Variants in PLCB1 observed in about 807,000 individuals in gnomAD.
PLCB1 encodes the protein phospholipase C beta 1.
PLCB1 carries 46 observed loss-of-function variants against 161.8 expected under a neutral mutation model. That is an observed-to-expected ratio of 0.28 (90% confidence interval 0.22 to 0.36). The LOEUF is 0.36. Ranked by LOEUF, PLCB1 falls within the 10% of genes least tolerant of loss-of-function variation. The pLI is 1.00. For synonymous variants in PLCB1, 517 were observed against 503.7 expected (o/e 1.03, Z -0.35); for missense variants, 1,016 against 1,472.5 (o/e 0.69, Z 5.07).
chr20:8,639,583 G>C (rs1011541529), intron 4 of PLCB1, among the ~76,000 whole-genome samples: 13 of 152,340 alleles, frequency 8.5e-5, no homozygotes, highest in Admixed American at 7.2e-4. Context: ...GCAGGCATCT[G>C]CTTACATGTG....
chr20:8,592,522 C>T (rs1010524452), intron 3 of PLCB1, among the ~76,000 whole-genome samples: 4 of 152,106 alleles, frequency 2.6e-5, no homozygotes, highest in African/African-American at 9.7e-5. Flanking sequence ...TTGTTCTGGG[C>T]AATGCTTACA....
intron 2 of PLCB1, among the ~76,000 whole-genome samples, chr20:8,263,476 T>C (rs1457440755): frequency 6.6e-6 from 1 of 152,196 alleles, no homozygotes; most frequent in Admixed American, 6.5e-5. Context: ...GCCTTCACTA[T>C]GTAACATAAA....
intron 20 of PLCB1, among the ~76,000 whole-genome samples, chr20:8,738,996 A>C (rs1351960729): frequency 6.6e-6 from 1 of 152,168 alleles, no homozygotes; most frequent in East Asian, 1.9e-4. Flanking sequence ...CTAAAAAAGT[A>C]CAAAAATTAG....
chr20:8,772,046 A>ATTTTT (rs57175112), intron 26 of PLCB1, among the ~76,000 whole-genome samples: 13 of 121,888 alleles, frequency 1.1e-4, no homozygotes, highest in African/African-American at 4.1e-4. Flanking sequence ...GGCCCGGTTA[A>ATTTTT]TTTTTTTTTT....
At chr20:8,330,622 G>A (rs994514732) in intron 2 of PLCB1, among the ~76,000 whole-genome samples, 2 of 152,228 alleles carry the variant, frequency 1.3e-5, no homozygotes, top group African/African-American at 4.8e-5. Context: ...TTCTGAAGAA[G>A]TTGTTGGCTC....
intron 6 of PLCB1, among the ~76,000 whole-genome samples, chr20:8,648,566 G>A (rs574991020): frequency 6.6e-6 from 1 of 151,986 alleles, no homozygotes; most frequent in South Asian, 2.1e-4. Context: ...AATTAGTAAC[G>A]AAAAAAAGTC....
At chr20:8,864,125 T>C (rs1348485908) in intron 31 of PLCB1, among the ~76,000 whole-genome samples, 1 of 152,210 alleles carries the variant, frequency 6.6e-6, no homozygotes. Flanking sequence ...CCTCTTTTAG[T>C]TATTTTAAAA....
chr20:8,267,811 A>G (rs988343121), intron 2 of PLCB1, among the ~76,000 whole-genome samples: 12 of 152,148 alleles, frequency 7.9e-5, no homozygotes, highest in African/African-American at 2.7e-4. Context: ...ATGTAAATAA[A>G]GGAGTGGCCC....
chr20:8,181,807 A>C (rs374531668), intron 2 of PLCB1, among the ~76,000 whole-genome samples: 1 of 136,076 alleles, frequency 7.3e-6, no homozygotes, highest in South Asian at 2.2e-4. Context: ...TGTCTACAAA[A>C]ATAAAAATAA....
At chr20:8,469,736 A>G (rs1244542719) in intron 3 of PLCB1, among the ~76,000 whole-genome samples, 3 of 152,176 alleles carry the variant, frequency 2.0e-5, no homozygotes, top group Non-Finnish European at 4.4e-5. Context: ...ACAAGTAACA[A>G]GTAACCAGTC....
chr20:8,711,266 G>A (rs560416061), intron 12 of PLCB1, among the ~76,000 whole-genome samples: 12 of 152,302 alleles, frequency 7.9e-5, no homozygotes, highest in East Asian at 1.9e-4. Flanking sequence ...TTCAGACAAC[G>A]AGAGCATCCA....
intron 3 of PLCB1, among the ~76,000 whole-genome samples, chr20:8,584,140 A>T (rs1352939757): frequency 1.3e-5 from 2 of 152,168 alleles, no homozygotes; most frequent in Non-Finnish European, 2.9e-5. Context: ...CGCTTTGAAC[A>T]ATTTTTTTGC....
chr20:8,826,000 C>T (rs991163666), intron 31 of PLCB1, among the ~76,000 whole-genome samples: 1 of 152,082 alleles, frequency 6.6e-6, no homozygotes, highest in Non-Finnish European at 1.5e-5. Context: ...GTCAAACTGC[C>T]AAACTGGGAA....
intron 3 of PLCB1, among the ~76,000 whole-genome samples, chr20:8,530,094 G>A (rs991638863): frequency 6.6e-5 from 10 of 151,988 alleles, no homozygotes; most frequent in African/African-American, 9.7e-5. Flanking sequence ...TGAATGTTCT[G>A]GACTAACAAA....
At chr20:8,876,709 T>G (rs1220926661) in intron 31 of PLCB1, among the ~76,000 whole-genome samples, 1 of 152,186 alleles carries the variant, frequency 6.6e-6, no homozygotes, top group East Asian at 1.9e-4. Context: ...GGTGGTCAGC[T>G]AGGGGTGAGC....
At chr20:8,385,435 C>T (rs779752101) in intron 3 of PLCB1, among the ~76,000 whole-genome samples, 3 of 152,234 alleles carry the variant, frequency 2.0e-5, no homozygotes, top group Admixed American at 6.5e-5. Context: ...CTTCCCCACC[C>T]AGGGAGCTTA....
At chr20:8,878,958 C>T (rs1215375750) in intron 31 of PLCB1, among the ~76,000 whole-genome samples, 7 of 152,016 alleles carry the variant, frequency 4.6e-5, no homozygotes, top group Non-Finnish European at 8.8e-5. Context: ...TTGCCCCCGA[C>T]TCCCTCCCCC....
At position 8,539,110 on chromosome 20, in the gene PLCB1, C is replaced by G. The variant is rs367666434; in HGVS notation, c.247-89184C>G. ...CCTACAGCTAACTCCTTAACTACCC[C>G]TCTCCTTAAAAAAGTAATCAAATAT... On this transcript the variant is annotated intron_variant, in intron 3 of 31. Coordinates refer to ENST00000338037, the MANE Select transcript of PLCB1 (RefSeq NM_015192.4). Among the ~76,000 whole-genome samples, 49 of 152,110 alleles carry G rather than the reference C, an allele frequency of 3.2e-4. 1 individual carries two copies. Among genetic ancestry groups the G allele is most frequent in the Non-Finnish European group, 6.2e-4 (42 of 68,028 alleles).
chr20:8,357,719 A>G (rs1346823774), intron 2 of PLCB1, among the ~76,000 whole-genome samples: 2 of 152,206 alleles, frequency 1.3e-5, no homozygotes, highest in Non-Finnish European at 2.9e-5. Flanking sequence ...TGAAGGAAGA[A>G]AAGGATTCAA....
Sources: gnomAD v4.1 joint callset for allele counts (sites outside exome capture counted in the v4.1 genomes callset) on GRCh38, gnomAD v4.1.1 for gene constraint, MANE v1.5 for transcripts, NCBI Gene and HGNC (gene_info 2026-07-23, HGNC 2026-07-21) for gene names.